The following GPATCH2 variants were observed in gnomAD, a reference collection of about 807,000 sequenced individuals.
GPATCH2 encodes the protein G-patch domain containing 2, also known as G patch domain-containing protein 2.
In GPATCH2, 51 loss-of-function variants were observed where a neutral mutation model predicts 58.0. The observed-to-expected ratio is 0.88, with a 90% CI of 0.70 to 1.11. GPATCH2 has a LOEUF of 1.11. Among genes scored for constraint, GPATCH2 ranks in the 50% most tolerant of loss-of-function variants. The probability of loss-of-function intolerance (pLI) is 0.00; values close to 1 mark genes in which losing one functional copy is unlikely to be tolerated. For synonymous variants in GPATCH2, 222 were observed against 218.5 expected (o/e 1.02, Z -0.14); for missense variants, 625 against 652.2 (o/e 0.96, Z 0.45).
intron 5 of GPATCH2, among the ~76,000 whole-genome samples, chr1:217,559,427 A>G (rs1183436206): frequency 6.6e-6 from 1 of 152,108 alleles, no homozygotes; most frequent in Non-Finnish European, 1.5e-5. Flanking sequence ...GTGACATAAA[A>G]AATCAAACTC....
At chr1:217,628,082 AC>A (rs1041842581) in intron 1 of GPATCH2, among the ~76,000 whole-genome samples, 2 of 152,100 alleles carry the variant, frequency 1.3e-5, no homozygotes, top group African/African-American at 4.8e-5. Context: ...TGAACATATA[AC>A]CTGAATTCCT....
intron 9 of GPATCH2, among the ~76,000 whole-genome samples, chr1:217,439,088 G>T (rs527501825): frequency 6.6e-6 from 1 of 152,124 alleles, no homozygotes; most frequent in South Asian, 2.1e-4. Context: ...GCACCAAATC[G>T]CACTTATTCT....
At chr1:217,530,715 AAT>A (rs1243593749) in intron 5 of GPATCH2, among the ~76,000 whole-genome samples, 1 of 152,212 alleles carries the variant, frequency 6.6e-6, no homozygotes, top group Non-Finnish European at 1.5e-5. Context: ...CAAAACACTC[AAT>A]GTTTAAAAAT....
intron 5 of GPATCH2, among the ~76,000 whole-genome samples, chr1:217,604,319 C>A (rs934109264): frequency 6.6e-6 from 1 of 150,754 alleles, no homozygotes; most frequent in African/African-American, 2.4e-5. Context: ...CCACTGCACT[C>A]CAACCTGGGT....
chr1:217,537,332 G>A (rs1215034270), intron 5 of GPATCH2, among the ~76,000 whole-genome samples: 3 of 152,072 alleles, frequency 2.0e-5, no homozygotes, highest in Non-Finnish European at 2.9e-5. Flanking sequence ...TCGTATCTGG[G>A]CTACTTAAGA....
chr1:217,624,554 A>T (rs1375971129), intron 1 of GPATCH2, among the ~76,000 whole-genome samples: 2 of 152,260 alleles, frequency 1.3e-5, no homozygotes, highest in Non-Finnish European at 2.9e-5. Context: ...CTAAGAGACC[A>T]TCACATGACC....
intron 8 of GPATCH2, among the ~76,000 whole-genome samples, chr1:217,476,094 A>C (rs1450473233): frequency 6.6e-6 from 1 of 152,164 alleles, no homozygotes; most frequent in Non-Finnish European, 1.5e-5. Context: ...CACATAGAAC[A>C]AAAAGCAAAT....
rs998737461 is a variant in GPATCH2, at chr1:217,470,455, A to G, written c.1278-21118T>C. Among the ~76,000 whole-genome samples, 4 of 152,150 alleles carry G rather than the reference A, an allele frequency of 2.6e-5. No individual in the cohort carries two copies. The South Asian group carries it at 8.3e-4, about 32-fold the overall frequency. ...TTACCACCCACTGGGCATATTACTT[A>G]TTTCTAAATGTCAAATTCCTTTTTT... On this transcript the variant is annotated intron_variant, in intron 8 of 9. Transcript: ENST00000366935.
intron 5 of GPATCH2, among the ~76,000 whole-genome samples, chr1:217,566,917 T>C (rs1239553517): frequency 1.3e-5 from 2 of 152,150 alleles, no homozygotes; most frequent in Non-Finnish European, 2.9e-5. Flanking sequence ...AATGAGAAAC[T>C]TGTGGTTGGA....
intron 5 of GPATCH2, among the ~76,000 whole-genome samples, chr1:217,548,058 G>T (rs2102660212): frequency 6.6e-6 from 1 of 152,296 alleles, no homozygotes; most frequent in Admixed American, 6.5e-5. Context: ...TGTTAAGCCT[G>T]TGGAGCTGTG....
chr1:217,573,848 G>C (rs1666679673), intron 5 of GPATCH2, among the ~76,000 whole-genome samples: 1 of 152,070 alleles, frequency 6.6e-6, no homozygotes, highest in Admixed American at 6.6e-5. Context: ...ACCTATCCTG[G>C]CCGTTAATTA....
intron 5 of GPATCH2, among the ~76,000 whole-genome samples, chr1:217,529,746 C>G (rs1313024567): frequency 2.0e-5 from 3 of 152,164 alleles, no homozygotes; most frequent in Non-Finnish European, 4.4e-5. Context: ...ACACCCGGCA[C>G]TAACAGTCAG....
intron 5 of GPATCH2, among the ~76,000 whole-genome samples, chr1:217,564,995 G>A (rs1666144568): frequency 6.6e-6 from 1 of 152,152 alleles, no homozygotes; most frequent in South Asian, 2.1e-4. Flanking sequence ...AGAAGAAGCA[G>A]AATGTTTAAA....
intron 5 of GPATCH2, among the ~76,000 whole-genome samples, chr1:217,547,896 G>C (rs929037090): frequency 6.6e-6 from 1 of 152,134 alleles, no homozygotes; most frequent in Non-Finnish European, 1.5e-5. Flanking sequence ...GTGATAGTGA[G>C]TTCTCAAGAG....
chr1:217,436,964 C>G (rs1251660795), intron 9 of GPATCH2, among the ~76,000 whole-genome samples: 1 of 152,128 alleles, frequency 6.6e-6, no homozygotes, highest in Non-Finnish European at 1.5e-5. Flanking sequence ...AGGAACAGCT[C>G]CAGTCTGCAG....
At chr1:217,459,666 T>C (rs1660114045) in intron 8 of GPATCH2, among the ~76,000 whole-genome samples, 1 of 152,190 alleles carries the variant, frequency 6.6e-6, no homozygotes, top group African/African-American at 2.4e-5. Context: ...CACTCTCTCT[T>C]TGATAATGAC....
At chr1:217,436,035 T>C (rs987752320) in intron 9 of GPATCH2, among the ~76,000 whole-genome samples, 3 of 152,178 alleles carry the variant, frequency 2.0e-5, no homozygotes, top group Non-Finnish European at 4.4e-5. Flanking sequence ...TAGTTTTTTT[T>C]TCCTTAAGGG....
chr1:217,518,832 C>G (rs1376145164), intron 5 of GPATCH2, among the ~76,000 whole-genome samples: 1 of 152,192 alleles, frequency 6.6e-6, no homozygotes, highest in Non-Finnish European at 1.5e-5. Context: ...TACTCTGCTT[C>G]AGTGCCCACA....
At chr1:217,480,687 A>C (rs936434267) in intron 8 of GPATCH2, among the ~76,000 whole-genome samples, 3 of 152,132 alleles carry the variant, frequency 2.0e-5, no homozygotes, top group African/African-American at 7.2e-5. Flanking sequence ...AGATACCTGC[A>C]CTCCCATGTT....
Sources: allele counts gnomAD v4.1 joint callset (sites outside exome capture counted in the v4.1 genomes callset), GRCh38; gene constraint gnomAD v4.1.1; transcripts MANE v1.5; gene names NCBI Gene and HGNC (gene_info 2026-07-23, HGNC 2026-07-21).